Variants in NHS observed in about 807,000 individuals in gnomAD.
NHS encodes the protein actin remodeling regulator NHS.
A neutral mutation model predicts 72.5 loss-of-function variants in NHS; 5 were observed. The ratio of observed to expected loss-of-function variants is 0.07; its 90% CI spans 0.04 to 0.14. The LOEUF (loss-of-function observed/expected upper bound fraction) is 0.14, where lower values mean the gene tolerates loss of function less well. Among genes scored for constraint, NHS ranks in the 10% least tolerant of loss-of-function variants. The pLI is 1.00. For synonymous variants in NHS, 464 were observed against 547.7 expected (o/e 0.85, Z 2.13); for missense variants, 1,072 against 1,355.7 (o/e 0.79, Z 3.29).
chrX:17,421,045 T>G (rs2064620807), intron 1 of NHS, among the ~76,000 whole-genome samples: 1 of 110,788 alleles, frequency 9.0e-6, no homozygotes, highest in African/African-American at 3.3e-5. Context: ...GAGAATTTAC[T>G]GGTTTTAAAA....
chrX:17,709,880 T>C (rs2066319499), intron 3 of NHS, among the ~76,000 whole-genome samples: 2 of 111,057 alleles, frequency 1.8e-5, no homozygotes, highest in South Asian at 7.8e-4. Context: ...AGCTGGAATC[T>C]AGAAAGGGGT....
intron 1 of NHS, among the ~76,000 whole-genome samples, chrX:17,378,761 A>G (rs752385438): frequency 2.3e-4 from 26 of 112,125 alleles, no homozygotes; most frequent in Non-Finnish European, 4.1e-4. Context: ...ACTAATGATT[A>G]AAGAAGCTGG....
At chrX:17,421,475 C>T (rs184983144) in intron 1 of NHS, among the ~76,000 whole-genome samples, 52 of 111,966 alleles carry the variant, frequency 4.6e-4, no homozygotes, top group African/African-American at 1.6e-3. Flanking sequence ...GAATATTTAT[C>T]ATTTGAACAA....
chrX:17,535,002 C>T (rs2065216428), intron 1 of NHS, among the ~76,000 whole-genome samples: 1 of 112,250 alleles, frequency 8.9e-6, no homozygotes, highest in African/African-American at 3.2e-5. Flanking sequence ...CCTCACTTCT[C>T]AGGTGGGCCA....
chrX:17,469,765 C>A (rs1389630188), intron 1 of NHS, among the ~76,000 whole-genome samples: 1 of 111,503 alleles, frequency 9.0e-6, no homozygotes, highest in Non-Finnish European at 1.9e-5. Flanking sequence ...CTCAGCCTGC[C>A]AAGTAGCTGG....
intron 1 of NHS, among the ~76,000 whole-genome samples, chrX:17,409,760 C>A (rs1354133621): frequency 2.7e-5 from 3 of 111,633 alleles, no homozygotes; most frequent in Non-Finnish European, 5.6e-5. Flanking sequence ...TTGGCTAAAG[C>A]AAGTCACATG....
chrX:17,447,106 G>T (rs1323000518), intron 1 of NHS, among the ~76,000 whole-genome samples: 2 of 111,675 alleles, frequency 1.8e-5, no homozygotes, highest in Admixed American at 9.5e-5. Flanking sequence ...GTGAGAAGCT[G>T]GGTAAGATAG....
intron 1 of NHS, among the ~76,000 whole-genome samples, chrX:17,437,696 G>A (rs188954549): frequency 1.6e-4 from 18 of 112,208 alleles, no homozygotes; most frequent in African/African-American, 5.5e-4. Context: ...TGATTGAATT[G>A]CCTAACCACA....
At chrX:17,657,278 GCA>G (rs1463191252) in intron 1 of NHS, among the ~76,000 whole-genome samples, 37 of 113,183 alleles carry the variant, frequency 3.3e-4, no homozygotes, top group Non-Finnish European at 5.6e-5. Context: ...CCATGATGGT[GCA>G]CAGTGTTTTG....
chrX:17,377,320 G>A (rs969733282), intron 1 of NHS, among the ~76,000 whole-genome samples: 1 of 112,717 alleles, frequency 8.9e-6, no homozygotes, highest in Non-Finnish European at 1.9e-5. Context: ...TCCCTTCCAA[G>A]GGCGGTCCCC....
intron 1 of NHS, among the ~76,000 whole-genome samples, chrX:17,498,665 G>T (rs2065024158): frequency 9.0e-6 from 1 of 111,404 alleles, no homozygotes; most frequent in Admixed American, 9.6e-5. Flanking sequence ...ATATGATAGT[G>T]CCCTGAGCAT....
chrX:17,679,971 T>C (rs983520876), intron 1 of NHS, among the ~76,000 whole-genome samples: 4 of 111,447 alleles, frequency 3.6e-5, no homozygotes, highest in African/African-American at 6.5e-5. Context: ...TTGTTACTGG[T>C]AAATGGGCAG....
At chrX:17,476,237 G>C (rs1446943199) in intron 1 of NHS, among the ~76,000 whole-genome samples, 2 of 111,798 alleles carry the variant, frequency 1.8e-5, no homozygotes, top group Admixed American at 9.5e-5. Context: ...TTGGAGATGG[G>C]CTGAGGACAT....
intron 1 of NHS, among the ~76,000 whole-genome samples, chrX:17,679,970 G>A (rs1826354314): frequency 9.0e-6 from 1 of 111,447 alleles, no homozygotes; most frequent in South Asian, 3.8e-4. Flanking sequence ...GTTGTTACTG[G>A]TAAATGGGCA....
At chrX:17,534,275 C>T (rs1401258034) in intron 1 of NHS, among the ~76,000 whole-genome samples, 1 of 112,261 alleles carries the variant, frequency 8.9e-6, no homozygotes, top group Non-Finnish European at 1.9e-5. Context: ...GATGAGAGAA[C>T]ATTAGAGAAT....
intron 1 of NHS, among the ~76,000 whole-genome samples, chrX:17,562,969 T>A (rs2065423281): frequency 9.0e-6 from 1 of 111,715 alleles, no homozygotes; most frequent in African/African-American, 3.3e-5. Context: ...AGTCAGAAAA[T>A]GTTGAAATGT....
At chrX:17,625,605 TG>T (rs761723906) in intron 1 of NHS, among the ~76,000 whole-genome samples, 164 of 112,456 alleles carry the variant, frequency 1.5e-3, no homozygotes, top group African/African-American at 4.9e-3. Context: ...TGAAATGTAT[TG>T]CTTTTGTTCA....
intron 1 of NHS, among the ~76,000 whole-genome samples, chrX:17,400,582 T>G (rs1240613307): frequency 9.4e-6 from 1 of 106,026 alleles, no homozygotes; most frequent in Non-Finnish European, 1.9e-5. Flanking sequence ...CAAGACTCCA[T>G]GTCAAAAAGA....
intron 1 of NHS, among the ~76,000 whole-genome samples, chrX:17,654,104 C>G (rs906446286): frequency 8.9e-6 from 1 of 111,734 alleles, no homozygotes; most frequent in African/African-American, 3.3e-5. Context: ...ACTGACCCCT[C>G]GGTGACATTT....
Sources: gnomAD v4.1 joint callset for allele counts (sites outside exome capture counted in the v4.1 genomes callset) on GRCh38, gnomAD v4.1.1 for gene constraint, MANE v1.5 for transcripts, NCBI Gene and HGNC (gene_info 2026-07-23, HGNC 2026-07-21) for gene names.